The following CPHXL2 variants were observed in gnomAD, a reference collection of about 807,000 sequenced individuals.
The protein encoded by CPHXL2 is cytoplasmic polyadenylated homeobox like 2.
At chr16:75,661,321 G>C in the CPHXL2 span, 1 of 399,032 alleles carries the variant, frequency 2.5e-6, no homozygotes, top group South Asian at 1.3e-4. Flanking sequence ...ATTCCTTAAT[G>C]TAGGAGGCTT....
At chr16:75,667,137 C>T in the CPHXL2 span, among the ~76,000 whole-genome samples, 3 of 151,662 alleles carry the variant, frequency 2.0e-5, no homozygotes, top group African/African-American at 7.3e-5. Context: ...TATGGTGAAA[C>T]CCTGCCTCTA....
the CPHXL2 span, among the ~76,000 whole-genome samples, chr16:75,672,801 T>A: frequency 5.3e-5 from 8 of 152,112 alleles, no homozygotes; most frequent in African/African-American, 1.9e-4. Flanking sequence ...TCCCAGCACT[T>A]TGGGAGGCTG....
chr16:75,669,893 GCCTAAC>G, the CPHXL2 span, among the ~76,000 whole-genome samples: 44 of 152,292 alleles, frequency 2.9e-4, no homozygotes, highest in East Asian at 7.5e-3. Context: ...GGTCCACACA[GCCTAAC>G]ATATTTACTA....
At chr16:75,662,240 C>T in the CPHXL2 span, among the ~76,000 whole-genome samples, 2 of 151,648 alleles carry the variant, frequency 1.3e-5, no homozygotes, top group Non-Finnish European at 2.9e-5. Flanking sequence ...CTTTCATGCC[C>T]TGCCTGGACA....
At chr16:75,660,418 C>G in the CPHXL2 span, 2 of 398,644 alleles carry the variant, frequency 5.0e-6, no homozygotes, top group Admixed American at 8.8e-5. Flanking sequence ...TGGGGAGGCA[C>G]GTGCTGCAGT....
At chr16:75,670,147 C>T in the CPHXL2 span, among the ~76,000 whole-genome samples, 3 of 152,158 alleles carry the variant, frequency 2.0e-5, no homozygotes, top group Non-Finnish European at 4.4e-5. Flanking sequence ...AACTCCTGAC[C>T]TTGTGATTTG....
the CPHXL2 span, among the ~76,000 whole-genome samples, chr16:75,664,642 A>G: frequency 1.4e-5 from 2 of 146,016 alleles, no homozygotes; most frequent in South Asian, 4.3e-4. Context: ...AAAAAAAAAA[A>G]GAAAGAAAGA....
At chr16:75,661,602 A>G in the CPHXL2 span, among the ~76,000 whole-genome samples, 1 of 151,864 alleles carries the variant, frequency 6.6e-6, no homozygotes, top group African/African-American at 2.4e-5. Flanking sequence ...GCTACAGAAG[A>G]GGCTCCCAGC....
chr16:75,669,143 C>G, the CPHXL2 span, among the ~76,000 whole-genome samples: 1 of 151,952 alleles, frequency 6.6e-6, no homozygotes, highest in East Asian at 1.9e-4. Flanking sequence ...GGCAAGACTC[C>G]CATCTTTACA....
the CPHXL2 span, among the ~76,000 whole-genome samples, chr16:75,669,764 T>G: frequency 6.6e-6 from 1 of 152,242 alleles, no homozygotes; most frequent in Admixed American, 6.5e-5. Context: ...GTTGCGTTTT[T>G]GTAAATAGAG....
chr16:75,672,086 A>G, the CPHXL2 span, among the ~76,000 whole-genome samples: 2 of 151,406 alleles, frequency 1.3e-5, no homozygotes, highest in African/African-American at 2.4e-5. Flanking sequence ...AGCTTGGCCA[A>G]CATGGTGAAA....
chr16:75,660,720 C>G, the CPHXL2 span: 64 of 398,658 alleles, frequency 1.6e-4, 2 homozygotes, highest in South Asian at 8.1e-3. Flanking sequence ...TGCATGCTGG[C>G]TTTCCCTGGT....
chr16:75,674,792 C>T, the CPHXL2 span, among the ~76,000 whole-genome samples: 2 of 151,844 alleles, frequency 1.3e-5, no homozygotes, highest in African/African-American at 4.8e-5. Context: ...TCACTGCAAC[C>T]TCTGCCTCCT....
the CPHXL2 span, among the ~76,000 whole-genome samples, chr16:75,666,418 A>G: frequency 6.6e-6 from 1 of 151,876 alleles, no homozygotes; most frequent in African/African-American, 2.4e-5. Flanking sequence ...TCAGGAGTTC[A>G]GGACCAGCCT....
the CPHXL2 span, chr16:75,660,652 G>C: frequency 2.5e-6 from 1 of 398,608 alleles, no homozygotes; most frequent in Non-Finnish European, 4.4e-6. Context: ...AATGAGCAAA[G>C]ACAATGGTCT....
At chr16:75,661,328 G>T in the CPHXL2 span, 1 of 398,762 alleles carries the variant, frequency 2.5e-6, no homozygotes, top group South Asian at 1.4e-4. Flanking sequence ...AATGTAGGAG[G>T]CTTTTTCTTT....
Sources: allele counts gnomAD v4.1 joint callset (sites outside exome capture counted in the v4.1 genomes callset), GRCh38; gene constraint gnomAD v4.1.1; transcripts MANE v1.5; gene names NCBI Gene and HGNC (gene_info 2026-07-23, HGNC 2026-07-21).